Variants in RABL3 observed in about 807,000 individuals in gnomAD.
The protein encoded by RABL3 is RAB, member of RAS oncogene family like 3, also known as rab-like protein 3.
A neutral mutation model predicts 31.8 loss-of-function variants in RABL3; 31 were observed. That is an observed-to-expected ratio of 0.97 (90% CI 0.73 to 1.31). The LOEUF is 1.31. Among genes scored for constraint, RABL3 ranks in the 40% most tolerant of loss-of-function variants. RABL3 has a pLI of 0.00. For missense variants in RABL3, 263 were observed against 279.6 expected (o/e 0.94, Z 0.42); for synonymous variants, 97 against 99.9 (o/e 0.97, Z 0.18).
At chr3:120,723,448 T>C (rs1466840995) in intron 2 of RABL3, among the ~76,000 whole-genome samples, 1 of 152,202 alleles carries the variant, frequency 6.6e-6, no homozygotes, top group East Asian at 1.9e-4. Context: ...ACTCATTTTA[T>C]GAGGCCAGCA....
At chr3:120,706,230 T>G in intron 3 of RABL3, 116 bp from the exon 4 acceptor site, 2 of 629,786 alleles carry the variant, frequency 3.2e-6, no homozygotes, top group Middle Eastern at 3.1e-4. Context: ...TCTAGCATTC[T>G]AGTATGACTA....
intron 4 of RABL3, among the ~76,000 whole-genome samples, chr3:120,701,860 T>C (rs936648745): frequency 6.6e-6 from 1 of 152,180 alleles, no homozygotes; most frequent in Non-Finnish European, 1.5e-5. Flanking sequence ...TCTTTCCCAG[T>C]GAATGCAACT....
rs137915881 is a variant in RABL3 at position 120,739,732 on chromosome 3, T to C, written c.46+2730A>G. Among the ~76,000 whole-genome samples the C allele has an allele frequency of 3.1e-3, 466 of 152,338 alleles. 3 individuals carry two copies. Among genetic ancestry groups the C allele is most frequent in the African/African-American group, 9.5e-3 (397 of 41,582 alleles). On this transcript the variant is annotated intron_variant, in intron 1 of 7. Coordinates refer to ENST00000273375, the MANE Select transcript of RABL3 (RefSeq NM_173825.5). The stretch of plus-strand genomic sequence containing the variant: ...CATTGTGTCTAATATCTGTAACTTT[T>C]AGGATGTATTGTTGATTCTGTATTT...
intron 6 of RABL3, 102 bp from the exon 7 acceptor site, chr3:120,690,589 G>A: frequency 1.3e-6 from 1 of 785,760 alleles, no homozygotes; most frequent in Non-Finnish European, 2.2e-6. Flanking sequence ...TCCAAACTAA[G>A]AATCTTTTCC....
rs990802723 is a variant in RABL3 at position 120,685,290 on chromosome 3, G to A, written c.*4533C>T. 1.3e-5 allele frequency among the ~76,000 whole-genome samples: 2 copies of A among 152,210 alleles called. No homozygotes were observed. Among genetic ancestry groups the A allele is most frequent in the Non-Finnish European group, 1.5e-5 (1 of 68,036 alleles). On this transcript the variant is annotated 3_prime_UTR_variant, in exon 8 of 8. Transcript: ENST00000273375. ...AGAGGACTCCAGGACAGATGTCTCCGAGAAAAAGATGGAACGGAGAGATTA... is the reference window on the plus strand; with the variant it reads ...AGAGGACTCCAGGACAGATGTCTCCAAGAAAAAGATGGAACGGAGAGATTA...
At chr3:120,705,446 A>G (rs541622175) in intron 4 of RABL3, among the ~76,000 whole-genome samples, 1 of 152,242 alleles carries the variant, frequency 6.6e-6, no homozygotes, top group Non-Finnish European at 1.5e-5. Flanking sequence ...GGACAGACAC[A>G]TAGATCAATG....
chr3:120,737,323 T>C (rs977768063), intron 1 of RABL3, among the ~76,000 whole-genome samples: 7 of 152,258 alleles, frequency 4.6e-5, no homozygotes, highest in Admixed American at 2.6e-4. Context: ...AATCGGCTAC[T>C]GAAGCTTGTG....
chr3:120,727,383 T>G (rs1321374519), intron 2 of RABL3, among the ~76,000 whole-genome samples: 1 of 152,174 alleles, frequency 6.6e-6, no homozygotes, highest in Non-Finnish European at 1.5e-5. Flanking sequence ...TAAAATTCTT[T>G]CAAAAACATA....
chr3:120,697,120 T>C (rs1708446185), intron 5 of RABL3, among the ~76,000 whole-genome samples: 1 of 152,242 alleles, frequency 6.6e-6, no homozygotes, highest in Admixed American at 6.5e-5. Context: ...ATAGGTACTA[T>C]TGGTAATATA....
rs1708302798 is a variant in RABL3 at position 120,685,934 on chromosome 3, G to A, written c.*3889C>T. Among the ~76,000 whole-genome samples the A allele has an allele frequency of 6.6e-6, 1 of 152,174 alleles. No individual in the cohort carries two copies. Among genetic ancestry groups the A allele is most frequent in the Non-Finnish European group, 1.5e-5 (1 of 68,044 alleles). On this transcript the variant is annotated 3_prime_UTR_variant, in exon 8 of 8. Transcript: ENST00000273375. ...TCTGCATTTTCAGCAAGCACTTCAG[G>A]GGATTCTTACACACTTCAGAGTTTG...
intron 2 of RABL3, among the ~76,000 whole-genome samples, chr3:120,711,944 T>C (rs1470194481): frequency 6.6e-6 from 1 of 152,156 alleles, no homozygotes; most frequent in Admixed American, 6.5e-5. Flanking sequence ...TCGTCCCTGG[T>C]ATCTTGGAGC....
chr3:120,692,494 G>A (rs376656969), intron 6 of RABL3, among the ~76,000 whole-genome samples: 6 of 152,156 alleles, frequency 3.9e-5, no homozygotes, highest in Admixed American at 2.6e-4. Flanking sequence ...CACCGTGCCC[G>A]GCTGGAGAAT....
In RABL3 at chr3:120,713,018, C is replaced by T. The variant is rs1708629513; in HGVS notation, c.139-3109G>A. Among the ~76,000 whole-genome samples the T allele has an allele frequency of 2.0e-5, 3 of 151,860 alleles. No individual in the cohort carries two copies. In the South Asian group the frequency reaches 6.2e-4, roughly 32 times the overall value. The stretch of plus-strand genomic sequence containing the variant: ...CTGATACATGATTAAGTTTGGCAAC[C>T]ACTGCAGTACACCATTTTTTTTCTC... On this transcript the variant is annotated intron_variant, in intron 2 of 7. Transcript: ENST00000273375.
intron 2 of RABL3, among the ~76,000 whole-genome samples, chr3:120,715,006 C>T (rs1708651957): frequency 6.6e-6 from 1 of 152,158 alleles, no homozygotes; most frequent in Non-Finnish European, 1.5e-5. Flanking sequence ...CAGGACAGCT[C>T]CAGGTGGCTA....
chr3:120,691,112 T>C (rs1708375266), intron 6 of RABL3, among the ~76,000 whole-genome samples: 1 of 152,214 alleles, frequency 6.6e-6, no homozygotes. Context: ...GCAGCAGATG[T>C]ATCTGCACAA....
In RABL3 at chr3:120,730,789, T is replaced by A; in HGVS notation, c.47-2A>T. 6.2e-7 allele frequency: 1 copy of A among 1,603,000 alleles called. No homozygotes were observed. The highest frequency in any genetic ancestry group is 8.5e-7 in the Non-Finnish European group (1 of 1,170,040). ...GGACTAACGAAGATTTCCCAACACCTGTAAGAGATACAAGAACTCTAGTCA... is the reference window on the plus strand; with the variant it reads ...GGACTAACGAAGATTTCCCAACACCAGTAAGAGATACAAGAACTCTAGTCA... On this transcript the variant is annotated splice_acceptor_variant, in intron 1 of 7. Transcript: ENST00000273375. LOFTEE classifies it high-confidence loss of function.
At chr3:120,709,483 G>A (rs1708587487) in intron 3 of RABL3, among the ~76,000 whole-genome samples, 1 of 152,012 alleles carries the variant, frequency 6.6e-6, no homozygotes, top group Admixed American at 6.6e-5. Context: ...AGCAACCCCA[G>A]AGGACAACAT....
At chr3:120,729,059 G>C (rs1426531480) in intron 2 of RABL3, among the ~76,000 whole-genome samples, 4 of 151,982 alleles carry the variant, frequency 2.6e-5, no homozygotes, top group African/African-American at 9.7e-5. Context: ...ATGCCTTTTT[G>C]AAATCCGGAC....
At position 120,706,063 on chromosome 3, in the gene RABL3, C is replaced by T. The variant is rs768894174; in HGVS notation, c.320G>A (p.Arg107His). The change falls in exon 4 of 8, where the codon CGT becomes CAT. Residue 107 changes from arginine to histidine, a missense_variant. Arg to His is a conservative substitution (Grantham distance 29, BLOSUM62 0). Transcript: ENST00000273375. ...GTTGAGAGCTTCCAATGACCAACGA[C>T]GCAAGTTTTGGGAGGACTTCTTATT... is the stretch of plus-strand genomic sequence containing the variant. Reference protein sequence around the residue: ...LTNKKSSQNLRRWSLEALNRD... With the variant: ...LTNKKSSQNLHRWSLEALNRD... 18 of 1,613,948 alleles carry T rather than the reference C, an allele frequency of 1.1e-5. No homozygotes were observed. The highest frequency in any genetic ancestry group is 2.2e-5 in the East Asian group (1 of 44,860).
Sources: allele counts gnomAD v4.1 joint callset (sites outside exome capture counted in the v4.1 genomes callset), GRCh38; gene constraint gnomAD v4.1.1; transcripts MANE v1.5; gene names NCBI Gene and HGNC (gene_info 2026-07-23, HGNC 2026-07-21).